The following KAT6B variants were observed in gnomAD, a reference collection of about 807,000 sequenced individuals.
KAT6B encodes the protein lysine acetyltransferase 6B, also known as histone acetyltransferase KAT6B.
In KAT6B, 10 loss-of-function variants were observed where a neutral mutation model predicts 187.5. The observed-to-expected ratio is 0.05, with a 90% CI of 0.03 to 0.09. KAT6B has a LOEUF of 0.09. Among genes scored for constraint, KAT6B ranks in the 10% least tolerant of loss-of-function variants. KAT6B has a pLI of 1.00. For synonymous variants in KAT6B, 861 were observed against 926.8 expected (o/e 0.93, Z 1.29); for missense variants, 1,952 against 2,558.9 (o/e 0.76, Z 5.12).
rs545461427 is a variant in KAT6B at position 74,974,818 on chromosome 10, T to C, written c.1062-581T>C. ...AATTGTCTTCTCTCCTAAGAGAGTATTATTGGTTATCTTACCATCCTAAGC... is the reference window on the plus strand; with the variant it reads ...AATTGTCTTCTCTCCTAAGAGAGTACTATTGGTTATCTTACCATCCTAAGC... On this transcript the variant is annotated intron_variant, in intron 7 of 17. Transcript: ENST00000287239. Among the ~76,000 whole-genome samples, 3 of 152,340 alleles carry C rather than the reference T, an allele frequency of 2.0e-5. No individual in the cohort carries two copies. In the South Asian group the frequency reaches 6.2e-4, roughly 32 times the overall value.
chr10:74,830,746 A>ATATATATATATATATATG (rs1840710355), intron 1 of KAT6B, among the ~76,000 whole-genome samples: 4 of 16,872 alleles, frequency 2.4e-4, no homozygotes, highest in Admixed American at 7.3e-4. Flanking sequence ...ATATATATAT[A>ATATATATATATATATATG]TATATATATA....
chr10:74,957,612 A>G (rs1489354965), intron 3 of KAT6B, among the ~76,000 whole-genome samples: 1 of 152,242 alleles, frequency 6.6e-6, no homozygotes, highest in African/African-American at 2.4e-5. Flanking sequence ...CATTGCATGA[A>G]TGATATGTGA....
intron 3 of KAT6B, among the ~76,000 whole-genome samples, chr10:74,947,783 C>G (rs1589684333): frequency 6.6e-6 from 1 of 152,184 alleles, no homozygotes; most frequent in Non-Finnish European, 1.5e-5. Flanking sequence ...AGGGGAAGGC[C>G]TTGTCATGCC....
intron 3 of KAT6B, among the ~76,000 whole-genome samples, chr10:74,956,753 G>A (rs1311559558): frequency 6.6e-6 from 1 of 152,208 alleles, no homozygotes; most frequent in Non-Finnish European, 1.5e-5. Flanking sequence ...ATGAGATAGT[G>A]CAGGAGCAGC....
At chr10:74,912,113 G>T (rs905243389) in intron 3 of KAT6B, among the ~76,000 whole-genome samples, 5 of 152,066 alleles carry the variant, frequency 3.3e-5, no homozygotes, top group Admixed American at 6.5e-5. Context: ...GGTGCAATAA[G>T]TGTTTATGAT....
chr10:74,905,728 C>T (rs1846711263), intron 3 of KAT6B, among the ~76,000 whole-genome samples: 2 of 152,156 alleles, frequency 1.3e-5, no homozygotes, highest in African/African-American at 4.8e-5. Context: ...CCCCAGCAGG[C>T]AGGAGTTAGA....
Position 74,854,587 on chromosome 10 carries a change from A to G in KAT6B, c.621+11109A>G, listed in dbSNP as rs534578904. On this transcript the variant is annotated intron_variant, in intron 3 of 17. Transcript: ENST00000287239. Reference sequence around the variant, plus strand: ...ATGAGGCTGGTCTCTGCAAAGATACAAAGTAAATACTAATCACTGGTCTAA... The same window carrying G: ...ATGAGGCTGGTCTCTGCAAAGATACGAAGTAAATACTAATCACTGGTCTAA... Among the ~76,000 whole-genome samples the G allele has an allele frequency of 2.6e-5, 4 of 152,294 alleles. No individual in the cohort carries two copies. In the South Asian group the frequency reaches 8.3e-4, roughly 32 times the overall value.
chr10:74,905,329 A>C (rs1338494809), intron 3 of KAT6B, among the ~76,000 whole-genome samples: 1 of 152,296 alleles, frequency 6.6e-6, no homozygotes, highest in East Asian at 1.9e-4. Context: ...CTCTAGGGAA[A>C]CCGTCAAGAA....
intron 13 of KAT6B, among the ~76,000 whole-genome samples, chr10:74,997,932 C>T (rs1321642048): frequency 1.3e-5 from 2 of 151,756 alleles, no homozygotes; most frequent in African/African-American, 2.4e-5. Context: ...GCCAACATGA[C>T]GAAACCCTGT....
intron 12 of KAT6B, 128 bp downstream of exon 12, chr10:74,985,369 G>T (rs1315460020): frequency 2.1e-6 from 2 of 974,504 alleles, no homozygotes; most frequent in African/African-American, 3.3e-5. Flanking sequence ...AAAAGCTCAG[G>T]TTCTTGTTCA....
intron 4 of KAT6B, among the ~76,000 whole-genome samples, chr10:74,967,812 T>C (rs1404348494): frequency 6.6e-6 from 1 of 152,214 alleles, no homozygotes; most frequent in Non-Finnish European, 1.5e-5. Context: ...CTGTCTTTCA[T>C]AAGATACCTG....
In KAT6B at chr10:74,977,338, C is replaced by T. The variant is rs1260877373; in HGVS notation, c.2016C>T (p.Ile672=). 6.2e-7 allele frequency: 1 copy of T among 1,613,408 alleles called. No individual in the cohort carries two copies. Among genetic ancestry groups the T allele is most frequent in the Admixed American group, 1.7e-5 (1 of 59,996 alleles). The change falls in exon 9 of 18, where the codon ATC becomes ATT. Residue 672 remains isoleucine (I), a synonymous_variant. Coordinates refer to ENST00000287239, the MANE Select transcript of KAT6B (RefSeq NM_012330.4). ...CAGATACTGAAATAAAAATAAACATCAAACAAGAAAGTGCAGATGTAAATG... is the reference window on the plus strand; with the variant it reads ...CAGATACTGAAATAAAAATAAACATTAAACAAGAAAGTGCAGATGTAAATG... ...QDDDTEIKIN[I]KQESADVNVI... is the part of the protein sequence containing the mutation.
intron 13 of KAT6B, among the ~76,000 whole-genome samples, chr10:74,992,459 A>G (rs1329047950): frequency 6.6e-6 from 1 of 152,264 alleles, no homozygotes; most frequent in African/African-American, 2.4e-5. Flanking sequence ...ATTACCCTAC[A>G]GTTGGGCAGA....
chr10:74,844,683 T>C (rs535232688), intron 3 of KAT6B, among the ~76,000 whole-genome samples: 9 of 152,336 alleles, frequency 5.9e-5, no homozygotes, highest in African/African-American at 2.2e-4. Context: ...TTTATAAATA[T>C]ATGGCAGAAT....
At position 75,025,239 on chromosome 10, in the gene KAT6B, C is replaced by A. The variant is rs762581068; in HGVS notation, c.3654C>A (p.Asp1218Glu). The A allele has an allele frequency of 7.4e-6, 12 of 1,614,084 alleles. No homozygotes were observed. The highest frequency in any genetic ancestry group is 9.3e-6 in the Non-Finnish European group (11 of 1,179,984). ...ACAATCATTGCTTCAAGAATGCTGACCCTTGTAGAAGTAAGTAGAGGAATG... is the reference window on the plus strand; with the variant it reads ...ACAATCATTGCTTCAAGAATGCTGAACCTTGTAGAAGTAAGTAGAGGAATG... ...GKDNHCFKNA[D>E]PCRNNMNDDS... is the part of the protein sequence containing the mutation. The change falls in exon 17 of 18, where the codon GAC becomes GAA. Residue 1218 changes from aspartate (D) to glutamate (E), a missense_variant. By Grantham distance (45) the Asp-to-Glu change is conservative. This residue lies in a region of KAT6B where 758 missense variants were observed against 891.4 expected (regional missense o/e 0.85). Transcript: ENST00000287239.
chr10:75,009,533 A>G (rs1171874211), intron 13 of KAT6B, among the ~76,000 whole-genome samples: 1 of 152,208 alleles, frequency 6.6e-6, no homozygotes, highest in African/African-American at 2.4e-5. Context: ...AAATTTAGCC[A>G]AACAGTGGAC....
At chr10:74,953,608 T>G (rs1410536562) in intron 3 of KAT6B, among the ~76,000 whole-genome samples, 2 of 152,240 alleles carry the variant, frequency 1.3e-5, no homozygotes, top group Non-Finnish European at 2.9e-5. Context: ...ATGGTATGTT[T>G]TTTTAAGCAG....
intron 3 of KAT6B, among the ~76,000 whole-genome samples, chr10:74,935,475 C>T (rs1019821529): frequency 6.6e-6 from 1 of 151,780 alleles, no homozygotes; most frequent in African/African-American, 2.4e-5. Context: ...ATTTGTAAAA[C>T]TTTTTGTTGA....
chr10:74,830,113 C>T (rs1431476337), intron 1 of KAT6B, among the ~76,000 whole-genome samples: 1 of 151,590 alleles, frequency 6.6e-6, no homozygotes, highest in Admixed American at 6.6e-5. Flanking sequence ...GTAAATGATG[C>T]GTGGATGAGA....
Sources: allele counts gnomAD v4.1 joint callset (sites outside exome capture counted in the v4.1 genomes callset), GRCh38; gene constraint gnomAD v4.1.1; regional missense constraint gnomAD v4.1.1; transcripts MANE v1.5; gene names NCBI Gene and HGNC (gene_info 2026-07-23, HGNC 2026-07-21).